The following PARVB variants were observed in gnomAD, a reference collection of about 807,000 sequenced individuals.
PARVB encodes the protein beta-parvin.
A neutral mutation model predicts 47.0 loss-of-function variants in PARVB; 46 were observed. That is an observed-to-expected ratio of 0.98 (90% CI 0.77 to 1.25). The LOEUF is 1.25. Among genes scored for constraint, PARVB ranks in the 50% most tolerant of loss-of-function variants. PARVB has a pLI of 0.00. For synonymous variants in PARVB, 196 were observed against 196.3 expected (o/e 1.00, Z 0.01); for missense variants, 473 against 471.6 (o/e 1.00, Z -0.03).
chr22:44,101,539 G>A (rs1343465181), intron 3 of PARVB, among the ~76,000 whole-genome samples: 10 of 152,002 alleles, frequency 6.6e-5, no homozygotes, highest in African/African-American at 1.9e-4. Flanking sequence ...CACCTGAGGT[G>A]AGGAGTTCGA....
At chr22:44,131,384 C>A in intron 4 of PARVB, 103 bp from the exon 5 acceptor site, 2 of 1,223,882 alleles carry the variant, frequency 1.6e-6, no homozygotes, top group Non-Finnish European at 1.2e-6. Context: ...TGAAGTGATT[C>A]ACCCACCTCG....
intron 4 of PARVB, among the ~76,000 whole-genome samples, chr22:44,127,249 C>A (rs1284361853): frequency 9.4e-6 from 1 of 106,900 alleles, no homozygotes; most frequent in East Asian, 2.1e-4. Flanking sequence ...CATATTAAAA[C>A]CACTTTTTTT....
At position 44,131,643 on chromosome 22, in the gene PARVB, C is replaced by G. The variant is rs371831506; in HGVS notation, c.517+16C>G. The G allele has an allele frequency of 1.5e-5, 24 of 1,602,822 alleles. No homozygotes were observed. The highest frequency in any genetic ancestry group is 6.7e-5 in the East Asian group (3 of 44,726). On this transcript the variant is annotated intron_variant, in intron 5 of 12. Transcript: ENST00000338758. ...AGCGTGGACTGTGAGTTCCACGCCA[C>G]AGGGGGAGGGACTGTCTGGAGGGAG...
chr22:44,110,028 G>A (rs2052656289), intron 3 of PARVB: 1 of 144,320 alleles, frequency 6.9e-6, no homozygotes, highest in African/African-American at 2.6e-5. Context: ...CAGGAGAATG[G>A]CGTGAACCCG....
In PARVB at chr22:44,156,566, T is replaced by C. The variant is rs375248314; in HGVS notation, c.844-1416T>C. Among the ~76,000 whole-genome samples, 404 of 152,318 alleles carry C rather than the reference T, an allele frequency of 2.7e-3. 1 individual carries two copies. Among genetic ancestry groups the C allele is most frequent in the African/African-American group, 8.6e-3 (356 of 41,586 alleles). On this transcript the variant is annotated intron_variant, in intron 10 of 12. Coordinates refer to ENST00000338758, the MANE Select transcript of PARVB (RefSeq NM_013327.5). ...TGCTAGGATTACAGGCGTGAGCCAC[T>C]GCGCCTAGAAGTTTTTACTTTTAAT... is the stretch of plus-strand genomic sequence containing the variant.
At chr22:44,147,692 A>T in intron 8 of PARVB, 169 bp from the exon 9 acceptor site, 3 of 764,228 alleles carry the variant, frequency 3.9e-6, no homozygotes, top group Non-Finnish European at 7.2e-6. Flanking sequence ...GCCGGGACTG[A>T]TCATCAGGGT....
chr22:44,164,746 G>A (rs147178375), intron 12 of PARVB, among the ~76,000 whole-genome samples: 14 of 152,278 alleles, frequency 9.2e-5, no homozygotes, highest in Admixed American at 2.6e-4. Context: ...AGTCCCCCAT[G>A]GTGCTATATG....
intron 1 of PARVB, among the ~76,000 whole-genome samples, chr22:44,058,922 A>C (rs915583507): frequency 6.6e-6 from 1 of 151,662 alleles, no homozygotes; most frequent in Non-Finnish European, 1.5e-5. Flanking sequence ...ACTAAAACCC[A>C]CTAGTTATGG....
At chr22:44,161,747 A>G (rs577919153) in intron 11 of PARVB, among the ~76,000 whole-genome samples, 15 of 152,284 alleles carry the variant, frequency 9.9e-5, no homozygotes, top group African/African-American at 3.6e-4. Flanking sequence ...CACTGACCCC[A>G]TGGTGGATGC....
chr22:44,060,127 C>T (rs1355054209), intron 1 of PARVB, among the ~76,000 whole-genome samples: 1 of 151,926 alleles, frequency 6.6e-6, no homozygotes, highest in East Asian at 1.9e-4. Context: ...CCAGCCTGGC[C>T]AACATGGTAA....
intron 1 of PARVB, among the ~76,000 whole-genome samples, chr22:44,092,667 C>T (rs2052199300): frequency 6.6e-6 from 1 of 152,186 alleles, no homozygotes; most frequent in African/African-American, 2.4e-5. Flanking sequence ...ACATTCAGCC[C>T]TTCCAAAGGC....
chr22:44,158,444 C>G (rs1411610738), intron 11 of PARVB, among the ~76,000 whole-genome samples: 1 of 152,210 alleles, frequency 6.6e-6, no homozygotes, highest in East Asian at 1.9e-4. Context: ...AATACCATCT[C>G]CAGTGGTGGC....
chr22:44,049,860 G>C lies in PARVB; in HGVS notation c.112+25409G>C, dbSNP rs2051176926. 6.6e-6 allele frequency among the ~76,000 whole-genome samples: 1 copy of C among 152,254 alleles called. No individual in the cohort carries two copies. ...TATTGCCAAAGCCGTCCCGGCCTTG[G>C]CCTCAGCCTCTGTGTGGCTCTGGTG... On this transcript the variant is annotated intron_variant, in intron 1 of 12. Coordinates refer to ENST00000338758, the MANE Select transcript of PARVB (RefSeq NM_013327.5). This position sits in a 1 kb window ranked among gnomAD's most constrained non-coding sequence, Gnocchi z 4.0.
chr22:44,020,501 C>A (rs1349129360), upstream of PARVB, among the ~76,000 whole-genome samples: 1 of 152,210 alleles, frequency 6.6e-6, no homozygotes, highest in Non-Finnish European at 1.5e-5. Context: ...ATGCCAGTCA[C>A]AAGCCCCAGC....
chr22:44,055,676 C>CTA (rs1354059126), intron 1 of PARVB, among the ~76,000 whole-genome samples: 1,810 of 137,766 alleles, frequency 0.013, 14 homozygotes, highest in Non-Finnish European at 0.021. Context: ...CTCTCTCTCT[C>CTA]TCTATATATA....
chr22:44,073,998 G>A (rs1213034780), intron 1 of PARVB, among the ~76,000 whole-genome samples: 1 of 152,272 alleles, frequency 6.6e-6, no homozygotes, highest in Non-Finnish European at 1.5e-5. Flanking sequence ...CGTGGGGCAG[G>A]CTGCTGGCTG....
At chr22:44,027,223 C>T (rs1389423216) in intron 1 of PARVB, among the ~76,000 whole-genome samples, 1 of 152,124 alleles carries the variant, frequency 6.6e-6, no homozygotes, top group Admixed American at 6.5e-5. Flanking sequence ...TTTACTGGGG[C>T]TTGGAGGAGC....
chr22:44,122,009 T>C (rs7291712), intron 4 of PARVB, among the ~76,000 whole-genome samples: 52,036 of 152,092 alleles, frequency 0.34, 9,021 homozygotes, highest in Middle Eastern at 0.51. Context: ...AATTCTGTGT[T>C]CAGAACTTAA....
Position 44,151,967 on chromosome 22 carries a change from G to T in PARVB, c.843+416G>T, listed in dbSNP as rs118092933. 22 of 190,008 alleles carry T rather than the reference G, an allele frequency of 1.2e-4. 1 individual carries two copies. In the East Asian group the frequency reaches 2.6e-3, roughly 23 times the overall value. The allele number at this position is 190,008 out of a possible 1,614,324, so 11.8% of individuals were successfully genotyped here. A position where few individuals can be genotyped will look rare whatever the true frequency, so the allele number is the denominator to read the frequency against. On this transcript the variant is annotated intron_variant, in intron 10 of 12. Transcript: ENST00000338758. The stretch of plus-strand genomic sequence containing the variant: ...CCTTCTTTGCCTTCATCTTCATGTG[G>T]TGTCGTCCTTGTGTGTGTGTCTCTG...
Sources: allele counts gnomAD v4.1 joint callset (sites outside exome capture counted in the v4.1 genomes callset), GRCh38; gene constraint gnomAD v4.1.1; non-coding constraint Gnocchi (gnomAD v3.1); transcripts MANE v1.5; gene names NCBI Gene and HGNC (gene_info 2026-07-23, HGNC 2026-07-21).